Variants in USP37 observed in about 807,000 individuals in gnomAD.
USP37 encodes ubiquitin specific peptidase 37.
A neutral mutation model predicts 124.0 loss-of-function variants in USP37; 27 were observed. That is an observed-to-expected ratio of 0.22 (90% confidence interval 0.16 to 0.30). The LOEUF is 0.30. USP37 is among the 10% of genes least tolerant of loss of function. The pLI, the probability that USP37 is intolerant of heterozygous loss-of-function variation, is 1.00. For synonymous variants in USP37, 365 were observed against 388.0 expected, an observed-to-expected ratio of 0.94 and a Z score of 0.70; for missense variants, 889 against 1,140.4, an observed-to-expected ratio of 0.78 and a Z score of 3.17.
intron 10 of USP37, among the ~76,000 whole-genome samples, chr2:218,513,795 C>G (rs1172040110): frequency 1.3e-5 from 2 of 152,102 alleles, no homozygotes; most frequent in African/African-American, 4.8e-5. Flanking sequence ...TGTTTAACCA[C>G]TTACTTTCTC....
At chr2:218,549,759 T>C in intron 6 of USP37, 50 bp downstream of exon 6, 3 of 1,568,966 alleles carry the variant, frequency 1.9e-6, no homozygotes, top group Non-Finnish European at 2.6e-6. Flanking sequence ...CCACTGTGCC[T>C]GGCCAACTAT....
intron 19 of USP37, among the ~76,000 whole-genome samples, chr2:218,475,369 G>A (rs1332935783): frequency 6.6e-6 from 1 of 152,216 alleles, no homozygotes; most frequent in African/African-American, 2.4e-5. Flanking sequence ...TGTAATCCCA[G>A]CGGTGGATCA....
At chr2:218,508,830 T>C (rs1430524612) in intron 11 of USP37, among the ~76,000 whole-genome samples, 3 of 152,190 alleles carry the variant, frequency 2.0e-5, no homozygotes. Context: ...ATATGAAGCA[T>C]ATAAACTACT....
chr2:218,548,475 G>A (rs1383803363), intron 6 of USP37, among the ~76,000 whole-genome samples: 1 of 151,292 alleles, frequency 6.6e-6, no homozygotes, highest in East Asian at 1.9e-4. Flanking sequence ...GAAGCAGCTG[G>A]GACTACAGGT....
At chr2:218,520,069 C>A (rs1409297019) in intron 10 of USP37, among the ~76,000 whole-genome samples, 2 of 151,888 alleles carry the variant, frequency 1.3e-5, no homozygotes, top group Non-Finnish European at 2.9e-5. Context: ...TCCTGAGTAG[C>A]TGCGATTACA....
chr2:218,551,335 AT>A (rs1472767456), intron 5 of USP37, among the ~76,000 whole-genome samples: 1 of 152,256 alleles, frequency 6.6e-6, no homozygotes, highest in East Asian at 1.9e-4. Context: ...CACAGAATGA[AT>A]TAAGAGTTAA....
rs550901619 is a variant in USP37, at chr2:218,491,481, T to C, written c.1473-3060A>G. Among the ~76,000 whole-genome samples the C allele has an allele frequency of 3.2e-4, 48 of 152,326 alleles. No individual in the cohort carries two copies. The South Asian group carries it at 9.7e-3, about 31-fold the overall frequency. On this transcript the variant is annotated intron_variant, in intron 14 of 25. Coordinates refer to ENST00000258399, the MANE Select transcript of USP37 (RefSeq NM_020935.3). ...GGCAGTAATACCTTTATTTCAGCCT[T>C]ATGATACTCTGAGCTGAGAACTTAG...
intron 8 of USP37, among the ~76,000 whole-genome samples, chr2:218,543,879 G>A (rs907219918): frequency 6.6e-6 from 1 of 151,936 alleles, no homozygotes; most frequent in Non-Finnish European, 1.5e-5. Context: ...AATCAAAATT[G>A]TCTGGTAATT....
At position 218,488,411 on chromosome 2, in the gene USP37, T is replaced by C; in HGVS notation, c.1483A>G (p.Ile495Val). 6.3e-7 allele frequency: 1 copy of C among 1,592,252 alleles called. No homozygotes were observed. Among genetic ancestry groups the C allele is most frequent in the Non-Finnish European group, 8.6e-7 (1 of 1,169,296 alleles). The change falls in exon 15 of 26, where the codon ATT (isoleucine) becomes GTT (valine). Residue 495 changes from isoleucine to valine, a missense_variant. Coordinates refer to ENST00000258399, the MANE Select transcript of USP37 (RefSeq NM_020935.3). ...TTAAACTGTTCTCTTTTGGGGATAATCTCTCCACATCTGTAAGAATAAAAT... is the reference window on the plus strand; with the variant it reads ...TTAAACTGTTCTCTTTTGGGGATAACCTCTCCACATCTGTAAGAATAAAAT... ...HSIICKACGE[I>V]IPKREQFNDL...
At chr2:218,541,144 T>C (rs901706993) in intron 8 of USP37, among the ~76,000 whole-genome samples, 1 of 152,184 alleles carries the variant, frequency 6.6e-6, no homozygotes, top group African/African-American at 2.4e-5. Context: ...AATAACTCAC[T>C]TGGAGAATTT....
At chr2:218,540,333 A>G (rs1166129701) in intron 8 of USP37, among the ~76,000 whole-genome samples, 1 of 152,080 alleles carries the variant, frequency 6.6e-6, no homozygotes, top group Non-Finnish European at 1.5e-5. Context: ...AAAACAGTGC[A>G]CCATTTAAAA....
At chr2:218,551,062 T>C (rs1445735756) in intron 5 of USP37, among the ~76,000 whole-genome samples, 2 of 152,190 alleles carry the variant, frequency 1.3e-5, no homozygotes, top group Non-Finnish European at 2.9e-5. Context: ...TCATTTTTTT[T>C]TACATTCAAA....
intron 5 of USP37, among the ~76,000 whole-genome samples, chr2:218,550,658 G>C (rs1574956390): frequency 6.7e-6 from 1 of 149,820 alleles, no homozygotes; most frequent in Non-Finnish European, 1.5e-5. Flanking sequence ...AAACCTCTAT[G>C]CTCCTACCAA....
intron 5 of USP37, among the ~76,000 whole-genome samples, chr2:218,552,972 C>T (rs1202182586): frequency 6.6e-6 from 1 of 152,128 alleles, no homozygotes; most frequent in Non-Finnish European, 1.5e-5. Context: ...AATCCTGCTC[C>T]TTTGTCTAAT....
chr2:218,481,683 C>CTTTTTTT (rs71403043), intron 17 of USP37, among the ~76,000 whole-genome samples: 1 of 134,470 alleles, frequency 7.4e-6, no homozygotes. Context: ...CTTTTCTTTT[C>CTTTTTTT]TTTTTTTTTT....
intron 21 of USP37, among the ~76,000 whole-genome samples, chr2:218,464,082 C>T (rs1441310945): frequency 6.6e-6 from 1 of 152,022 alleles, no homozygotes; most frequent in Non-Finnish European, 1.5e-5. Context: ...TGGTCTCGAT[C>T]TCTTGATCTT....
chr2:218,557,667 G>A (rs13000306), intron 4 of USP37, among the ~76,000 whole-genome samples: 1,462 of 27,984 alleles, frequency 0.052, no homozygotes, highest in East Asian at 0.29. Context: ...GGTGGCTCAC[G>A]GCTGTAATCC....
chr2:218,476,708 G>C (rs927034823), intron 19 of USP37, 132 bp downstream of exon 19: 1 of 1,040,056 alleles, frequency 9.6e-7, no homozygotes, highest in Non-Finnish European at 1.3e-6. Flanking sequence ...TCTGTAAACA[G>C]ACTGATTTCT....
intron 10 of USP37, among the ~76,000 whole-genome samples, chr2:218,526,274 C>G (rs1032196118): frequency 6.6e-6 from 1 of 152,022 alleles, no homozygotes; most frequent in Non-Finnish European, 1.5e-5. Context: ...CTCTGTTGCC[C>G]AGGTTAGAGT....
Sources: gnomAD v4.1 joint callset for allele counts (sites outside exome capture counted in the v4.1 genomes callset) on GRCh38, gnomAD v4.1.1 for gene constraint, MANE v1.5 for transcripts, NCBI Gene and HGNC (gene_info 2026-07-23, HGNC 2026-07-21) for gene names.